Variants in SRGAP3 observed in about 807,000 individuals in gnomAD.
SRGAP3 encodes the protein SLIT-ROBO Rho GTPase activating protein 3, also known as SLIT-ROBO Rho GTPase-activating protein 3.
SRGAP3 carries 39 observed loss-of-function variants against 121.1 expected under a neutral mutation model. The observed-to-expected ratio is 0.32, with a 90% CI of 0.25 to 0.42. The LOEUF (loss-of-function observed/expected upper bound fraction) is 0.42. Ranked by LOEUF, SRGAP3 falls within the 10% of genes least tolerant of loss-of-function variation. The pLI is 1.00. For missense variants in SRGAP3, 1,213 were observed against 1,470.6 expected (o/e 0.82, Z 2.86); for synonymous variants, 601 against 570.0 (o/e 1.05, Z -0.77).
intron 3 of SRGAP3, among the ~76,000 whole-genome samples, chr3:9,270,211 G>A (rs1202016526): frequency 4.6e-5 from 7 of 152,054 alleles, no homozygotes; most frequent in Admixed American, 4.6e-4. Flanking sequence ...ATATTAATCT[G>A]TATTGTGTAA....
At chr3:9,013,279 T>G in intron 17 of SRGAP3, 29 bp downstream of exon 17, 2 of 1,599,018 alleles carry the variant, frequency 1.3e-6, no homozygotes, top group Non-Finnish European at 1.7e-6. Flanking sequence ...ATGACGATGA[T>G]AATAATATTA....
intron 1 of SRGAP3, among the ~76,000 whole-genome samples, chr3:9,166,471 C>CAA (rs1198940994): frequency 1.0e-3 from 153 of 152,268 alleles, no homozygotes; most frequent in African/African-American, 3.6e-3. Flanking sequence ...ACTAAGGATG[C>CAA]CCATGTGACT....
At chr3:9,172,477 G>A (rs567986240) in intron 1 of SRGAP3, among the ~76,000 whole-genome samples, 5 of 152,266 alleles carry the variant, frequency 3.3e-5, no homozygotes, top group Non-Finnish European at 5.9e-5. Context: ...CCTGTACAGG[G>A]GTTAGGACTT....
At position 9,192,374 on chromosome 3, in the gene SRGAP3, T is replaced by C. The variant is rs934587760; in HGVS notation, c.67+56511A>G. The C allele has an allele frequency of 3.3e-5, 5 of 152,372 alleles. No individual in the cohort carries two copies. The East Asian group carries it at 9.7e-4, about 29-fold the overall frequency. 9.4% of individuals were successfully genotyped at this position (152,372 alleles called of 1,614,324 possible). A position where few individuals can be genotyped will look rare whatever the true frequency, so the allele number is the denominator to read the frequency against. ...CCCAGCCCATGCTGTATCGGTTTGA[T>C]TCCAGGCATGCAGGGGTTGCATAGA... On this transcript the variant is annotated intron_variant, in intron 1 of 21. Transcript: ENST00000383836.
chr3:9,039,206 T>C (rs1025134480), intron 10 of SRGAP3, among the ~76,000 whole-genome samples: 1 of 152,148 alleles, frequency 6.6e-6, no homozygotes, highest in Admixed American at 6.5e-5. Context: ...TACAAAGCTC[T>C]CTACTCTTCA....
chr3:9,203,776 G>C (rs1480686740), intron 1 of SRGAP3, among the ~76,000 whole-genome samples: 1 of 152,234 alleles, frequency 6.6e-6, no homozygotes, highest in Non-Finnish European at 1.5e-5. Context: ...AAAGCTAGGT[G>C]CTACAGAAAA....
At chr3:9,343,394 CT>C (rs1332652794) in intron 1 of SRGAP3, among the ~76,000 whole-genome samples, 1 of 152,136 alleles carries the variant, frequency 6.6e-6, no homozygotes, top group Non-Finnish European at 1.5e-5. Flanking sequence ...CTTACATTGC[CT>C]TTTTCCCGAA....
intron 3 of SRGAP3, among the ~76,000 whole-genome samples, chr3:9,082,128 G>A (rs1575045122): frequency 1.3e-5 from 2 of 152,098 alleles, no homozygotes; most frequent in African/African-American, 2.4e-5. Flanking sequence ...TGGCACCTGC[G>A]CCTCTCACTC....
intron 1 of SRGAP3, among the ~76,000 whole-genome samples, chr3:9,145,223 G>A (rs1454101126): frequency 6.6e-6 from 1 of 152,154 alleles, no homozygotes; most frequent in Non-Finnish European, 1.5e-5. Context: ...AGCCTCCCAA[G>A]TAGCTGGGAT....
At chr3:9,200,528 C>T (rs1952038290) in intron 1 of SRGAP3, among the ~76,000 whole-genome samples, 1 of 152,170 alleles carries the variant, frequency 6.6e-6, no homozygotes, top group African/African-American at 2.4e-5. Context: ...AAGGAGAAAG[C>T]AAGTAATTCT....
At chr3:9,144,034 C>A (rs1051929352) in intron 1 of SRGAP3, among the ~76,000 whole-genome samples, 1 of 151,844 alleles carries the variant, frequency 6.6e-6, no homozygotes, top group Non-Finnish European at 1.5e-5. Flanking sequence ...CCTAAACTAG[C>A]CCCCACATCA....
At chr3:8,995,481 A>T (rs771783371) in intron 18 of SRGAP3, among the ~76,000 whole-genome samples, 1 of 152,170 alleles carries the variant, frequency 6.6e-6, no homozygotes, top group Non-Finnish European at 1.5e-5. Context: ...GTCTCAAAAC[A>T]AACAAACAAA....
intron 1 of SRGAP3, among the ~76,000 whole-genome samples, chr3:9,340,968 G>A (rs1031293735): frequency 7.2e-5 from 11 of 152,208 alleles, no homozygotes; most frequent in African/African-American, 2.7e-4. Flanking sequence ...GAGGCTGGAA[G>A]TCCAAGATCA....
chr3:9,316,598 T>A (rs1337134998), intron 3 of SRGAP3, among the ~76,000 whole-genome samples: 2 of 152,002 alleles, frequency 1.3e-5, no homozygotes, highest in African/African-American at 2.4e-5. Flanking sequence ...AGGCGGAGGT[T>A]GCAGTGAGCT....
chr3:9,056,925 A>G (rs1945849875), intron 7 of SRGAP3, among the ~76,000 whole-genome samples: 1 of 152,126 alleles, frequency 6.6e-6, no homozygotes. Context: ...TCTGTCACCC[A>G]GGCTGGAATG....
chr3:9,311,645 CCTT>C (rs1266918355), intron 3 of SRGAP3, among the ~76,000 whole-genome samples: 1 of 152,196 alleles, frequency 6.6e-6, no homozygotes, highest in African/African-American at 2.4e-5. Context: ...TGTTATTCTT[CCTT>C]CGACTTTTTT....
intron 8 of SRGAP3, among the ~76,000 whole-genome samples, chr3:9,055,354 C>A (rs1005706353): frequency 2.0e-5 from 3 of 152,234 alleles, no homozygotes; most frequent in African/African-American, 7.2e-5. Context: ...TAAACCTGCC[C>A]ATGACCTCGA....
intron 1 of SRGAP3, among the ~76,000 whole-genome samples, chr3:9,213,746 C>T (rs1952524928): frequency 6.6e-6 from 1 of 152,214 alleles, no homozygotes; most frequent in Non-Finnish European, 1.5e-5. Context: ...ATGATCTGGC[C>T]AACCTCTCCC....
Position 9,352,834 on chromosome 3 carries a change from T to C in SRGAP3, n.214+10006A>G, listed in dbSNP as rs139936923. ...CGGCTAATAAGAATATCTACCCCCA[T>C]AGACTATTATGTGATATACAGGTAA... On this transcript the variant is annotated intron_variant and non_coding_transcript_variant, in intron 1 of 3. Transcript: ENST00000490889. Among the ~76,000 whole-genome samples the C allele has an allele frequency of 3.2e-3, 481 of 152,336 alleles. 2 individuals carry two copies. Among genetic ancestry groups the C allele is most frequent in the African/African-American group, 0.011 (449 of 41,578 alleles).
Sources: gnomAD v4.1 joint callset for allele counts (sites outside exome capture counted in the v4.1 genomes callset) on GRCh38, gnomAD v4.1.1 for gene constraint, MANE v1.5 for transcripts, NCBI Gene and HGNC (gene_info 2026-07-23, HGNC 2026-07-21) for gene names.